The following ITGAV variants were observed in gnomAD, a reference collection of about 807,000 sequenced individuals.
ITGAV encodes integrin subunit alpha V.
Under a neutral mutation model 143.8 loss-of-function variants are expected in ITGAV, and 76 were observed. The observed-to-expected ratio is 0.53, with a 90% CI of 0.44 to 0.64. ITGAV has a LOEUF of 0.64. Ranked by LOEUF, ITGAV falls within the 30% of genes least tolerant of loss-of-function variation. The probability of loss-of-function intolerance (pLI) is 0.00; values close to 1 mark genes in which losing one functional copy is unlikely to be tolerated. For missense variants in ITGAV, 1,193 were observed against 1,274.7 expected (o/e 0.94, Z 0.98); for synonymous variants, 453 against 446.7 (o/e 1.01, Z -0.18).
intron 21 of ITGAV, 91 bp downstream of exon 21, chr2:186,665,309 C>A: frequency 1.3e-6 from 1 of 797,350 alleles, no homozygotes. Context: ...AAAATAAACA[C>A]TTCAAAACAA....
intron 1 of ITGAV, 103 bp downstream of exon 1, chr2:186,590,626 G>C: frequency 1.8e-6 from 2 of 1,101,908 alleles, no homozygotes; most frequent in Non-Finnish European, 2.6e-6. Context: ...CCCGGCGTCT[G>C]TCTGTCTCAC....
In ITGAV at chr2:186,656,358, G is replaced by T. The variant is rs567294324; in HGVS notation, c.1676G>T (p.Arg559Met). The change falls in exon 17 of 30, where the codon AGG (arginine) becomes ATG (methionine). Residue 559 changes from arginine to methionine, a missense_variant. Transcript: ENST00000261023. ...CACTCCAAGAACATGACTATTTCAA[G>T]GGGGGGACTGATGCAGTGTGAGGAA... Reference protein sequence around the residue: ...PSHSKNMTISRGGLMQCEELI... With the variant: ...PSHSKNMTISMGGLMQCEELI... The T allele has an allele frequency of 1.3e-6, 2 of 1,551,796 alleles. No homozygotes were observed. Among genetic ancestry groups the T allele is most frequent in the South Asian group, 1.2e-5 (1 of 80,130 alleles).
intron 19 of ITGAV, 36 bp from the exon 20 acceptor site, chr2:186,664,458 T>C (rs1180080072): frequency 6.2e-7 from 1 of 1,602,308 alleles, no homozygotes; most frequent in East Asian, 2.2e-5. Flanking sequence ...ATGTAGTCTT[T>C]TTTTCTCAGT....
rs1270808258 is a variant in ITGAV, at chr2:186,667,248, G to T, written c.2327+18G>T. The stretch of plus-strand genomic sequence containing the variant: ...ATAAGAGGGTCAGTATGAATACTTA[G>T]TTGAGTATCTCATTCTCATGATTGC... On this transcript the variant is annotated intron_variant, in intron 23 of 29. Transcript: ENST00000261023. 6.5e-7 allele frequency: 1 copy of T among 1,548,248 alleles called. No homozygotes were observed. The highest frequency in any genetic ancestry group is 2.3e-5 in the East Asian group (1 of 44,288).
chr2:186,637,462 C>T (rs1426046380), intron 8 of ITGAV, among the ~76,000 whole-genome samples: 1 of 123,854 alleles, frequency 8.1e-6, no homozygotes, highest in Non-Finnish European at 1.6e-5. Context: ...GCCCGGGCGA[C>T]AGAGCCGAGA....
intron 3 of ITGAV, 133 bp from the exon 4 acceptor site, chr2:186,625,340 C>T: frequency 1.6e-6 from 1 of 627,952 alleles, no homozygotes. Context: ...TCACTGCACT[C>T]CAGCCTGGGC....
At chr2:186,623,263 A>G (rs530790782) in intron 3 of ITGAV, among the ~76,000 whole-genome samples, 2 of 152,218 alleles carry the variant, frequency 1.3e-5, no homozygotes, top group Admixed American at 1.3e-4. Flanking sequence ...ATGTGCATAC[A>G]TACACACCAT....
chr2:186,644,028 C>T (rs1400117159), intron 12 of ITGAV, among the ~76,000 whole-genome samples: 1 of 152,078 alleles, frequency 6.6e-6, no homozygotes, highest in East Asian at 1.9e-4. Flanking sequence ...ACTGCAGACT[C>T]GACTTCCCAG....
chr2:186,649,192 T>G (rs1688354713), intron 13 of ITGAV, among the ~76,000 whole-genome samples: 1 of 151,780 alleles, frequency 6.6e-6, no homozygotes, highest in South Asian at 2.1e-4. Context: ...TCTTAACTCT[T>G]TTATGTATTT....
At chr2:186,606,885 G>T (rs1159943477) in intron 2 of ITGAV, among the ~76,000 whole-genome samples, 1 of 152,038 alleles carries the variant, frequency 6.6e-6, no homozygotes, top group Non-Finnish European at 1.5e-5. Flanking sequence ...GATGCTTATG[G>T]TTCCTCATCT....
intron 10 of ITGAV, among the ~76,000 whole-genome samples, chr2:186,638,868 A>G (rs1559053799): frequency 1.3e-5 from 2 of 149,422 alleles, no homozygotes; most frequent in South Asian, 2.1e-4. Context: ...AACCAAAGTA[A>G]TTTGGATATT....
rs562324042 is a variant in ITGAV at position 186,600,326 on chromosome 2, A to G, written c.186-1695A>G. On this transcript the variant is annotated intron_variant, in intron 1 of 29. Transcript: ENST00000261023. ...CCACCCCCCACTCCCCTCCATCCTC[A>G]ATACACAAATGCTCCTAGGCACCCT... 1.2e-5 allele frequency: 18 copies of G among 1,533,362 alleles called. 1 individual carries two copies. Among genetic ancestry groups the G allele is most frequent in the Non-Finnish European group, 1.5e-5 (17 of 1,134,308 alleles). The allele number at this position is 1,533,362 out of a possible 1,614,324, so 95.0% of individuals were successfully genotyped here. A position where few individuals can be genotyped will look rare whatever the true frequency, so the allele number is the denominator to read the frequency against.
chr2:186,673,851 A>G (rs989234750), intron 26 of ITGAV, among the ~76,000 whole-genome samples: 2 of 151,794 alleles, frequency 1.3e-5, no homozygotes, highest in African/African-American at 4.8e-5. Context: ...GTATTTTTTT[A>G]GTAGAGACAG....
In ITGAV at chr2:186,678,958, A is replaced by G. The variant is rs1689285057; in HGVS notation, c.*1666A>G. On this transcript the variant is annotated 3_prime_UTR_variant, in exon 30 of 30. Transcript: ENST00000261023. ...AAATAGGAGCACATTTAGTTGAGGT[A>G]TACAAGGTAGGACTCTAGACAAAAC... is the stretch of plus-strand genomic sequence containing the variant. 1 of 346,714 alleles carries G rather than the reference A, an allele frequency of 2.9e-6. No homozygotes were observed. The highest frequency in any genetic ancestry group is 5.6e-6 in the Non-Finnish European group (1 of 178,726). The allele number at this position is 346,714 out of a possible 1,614,324, so 21.5% of individuals were successfully genotyped here.
intron 27 of ITGAV, 45 bp downstream of exon 27, chr2:186,675,762 C>T: frequency 6.4e-7 from 1 of 1,554,684 alleles, no homozygotes. Flanking sequence ...CCAGTGTTTT[C>T]AAATAAATAT....
intron 2 of ITGAV, among the ~76,000 whole-genome samples, chr2:186,620,511 T>C (rs886977725): frequency 1.3e-5 from 2 of 151,752 alleles, no homozygotes; most frequent in Non-Finnish European, 2.9e-5. Flanking sequence ...ACCTGTAATC[T>C]CAGCACTTTG....
At chr2:186,661,754 G>T (rs1419235267) in intron 18 of ITGAV, among the ~76,000 whole-genome samples, 2 of 151,652 alleles carry the variant, frequency 1.3e-5, no homozygotes, top group African/African-American at 2.4e-5. Context: ...CCACCACCAC[G>T]CCCGGCTAAT....
In ITGAV at chr2:186,629,167, T is replaced by C. The variant is rs902837767; in HGVS notation, c.524-1630T>C. On this transcript the variant is annotated intron_variant, in intron 4 of 29. Transcript: ENST00000261023. The stretch of plus-strand genomic sequence containing the variant: ...CAGACTTAACAAATGGGAGAAGTAT[T>C]AACCATCTGCAGGAATAAGTACCAG... Among the ~76,000 whole-genome samples the C allele has an allele frequency of 4.6e-5, 7 of 152,194 alleles. No individual in the cohort carries two copies. In the South Asian group the frequency reaches 1.5e-3, roughly 32 times the overall value.
chr2:186,678,308 C>A lies in ITGAV; in HGVS notation c.*1016C>A, dbSNP rs1689268943. On this transcript the variant is annotated 3_prime_UTR_variant, in exon 30 of 30. Transcript: ENST00000261023. ...TTTCCTTATATTTCCAAAACTGTTA[C>A]TGAGAATGGGTCAAGATCAGTGAGA... The A allele has an allele frequency of 6.5e-6, 1 of 153,820 alleles. No individual in the cohort carries two copies. Among genetic ancestry groups the A allele is most frequent in the Admixed American group, 6.5e-5 (1 of 15,450 alleles). The allele number at this position is 153,820 out of a possible 1,614,324, so 9.5% of individuals were successfully genotyped here.
Sources: gnomAD v4.1 joint callset for allele counts (sites outside exome capture counted in the v4.1 genomes callset) on GRCh38, gnomAD v4.1.1 for gene constraint, MANE v1.5 for transcripts, NCBI Gene and HGNC (gene_info 2026-07-23, HGNC 2026-07-21) for gene names.